The following MYT1L variants were observed in gnomAD, a reference collection of about 807,000 sequenced individuals.
The protein encoded by MYT1L is myelin transcription factor 1-like protein.
A neutral mutation model predicts 126.7 loss-of-function variants in MYT1L; 12 were observed. The observed-to-expected ratio is 0.09, with a 90% CI of 0.06 to 0.15. The LOEUF (loss-of-function observed/expected upper bound fraction) is 0.15. MYT1L is among the 10% of genes least tolerant of loss of function. The pLI is 1.00. For synonymous variants in MYT1L, 541 were observed against 604.2 expected (o/e 0.90, Z 1.53); for missense variants, 979 against 1,585.2 (o/e 0.62, Z 6.49).
At chr2:2,178,988 A>G (rs1173543939) in intron 2 of MYT1L, among the ~76,000 whole-genome samples, 1 of 152,202 alleles carries the variant, frequency 6.6e-6, no homozygotes, top group Non-Finnish European at 1.5e-5. Flanking sequence ...CATGGGGCTT[A>G]GAAAAAGTGA....
intron 5 of MYT1L, among the ~76,000 whole-genome samples, chr2:1,988,983 T>C (rs1055956442): frequency 6.6e-6 from 1 of 152,126 alleles, no homozygotes; most frequent in African/African-American, 2.4e-5. Flanking sequence ...TAAGATGAAG[T>C]CCTCTGGGTA....
chr2:2,044,192 AATAG>A (rs1366441420), intron 4 of MYT1L, among the ~76,000 whole-genome samples: 3 of 152,306 alleles, frequency 2.0e-5, no homozygotes, highest in East Asian at 3.9e-4. Context: ...GCCATACACA[AATAG>A]ATATATACAA....
rs928105111 is a variant in MYT1L, at chr2:1,801,155, T to G, written c.3276+541A>C. 1 of 152,914 alleles carries G rather than the reference T, an allele frequency of 6.5e-6. No homozygotes were observed. Among genetic ancestry groups the G allele is most frequent in the African/African-American group, 2.4e-5 (1 of 41,448 alleles). 9.5% of individuals were successfully genotyped at this position (152,914 alleles called of 1,614,324 possible). On this transcript the variant is annotated intron_variant, in intron 23 of 24. Transcript: ENST00000647738. This position sits in a 1 kb window ranked among gnomAD's most constrained non-coding sequence, Gnocchi z 4.2. The stretch of plus-strand genomic sequence containing the variant: ...GATGAGGCTGAGGACGTTTACCCTG[T>G]GGGCTGCTTGTGGGCATGGAGGGGG...
intron 1 of MYT1L, among the ~76,000 whole-genome samples, chr2:2,289,576 C>T (rs1468447170): frequency 1.3e-5 from 2 of 152,300 alleles, no homozygotes; most frequent in Non-Finnish European, 2.9e-5. Context: ...GCTGTGTTCA[C>T]TTGAACAGTC....
Position 1,859,886 on chromosome 2 carries a change from T to A in MYT1L, c.2712-8183A>T, listed in dbSNP as rs926370608. On this transcript the variant is annotated intron_variant, in intron 18 of 24. Transcript: ENST00000647738. ...CTGGGAAAGGGGACCCGGGCCGCGC[T>A]GGTGACAGGTCTGTCTCCACTCCTG... Among the ~76,000 whole-genome samples the A allele has an allele frequency of 2.6e-5, 4 of 152,240 alleles. No homozygotes were observed. In the East Asian group the frequency reaches 7.7e-4, roughly 29 times the overall value.
rs142805686 is a variant in MYT1L at position 2,022,772 on chromosome 2, T to C, written c.-157-25425A>G. The stretch of plus-strand genomic sequence containing the variant: ...TCAGTTCTTTGTCCGTATTTATCTT[T>C]CCAAAAACAATGATTCAACAGCCTG... On this transcript the variant is annotated intron_variant, in intron 4 of 24. Transcript: ENST00000647738. Among the ~76,000 whole-genome samples, 381 of 152,206 alleles carry C rather than the reference T, an allele frequency of 2.5e-3. 4 individuals carry two copies. The highest frequency in any genetic ancestry group is 8.8e-3 in the African/African-American group (367 of 41,518).
intron 9 of MYT1L, among the ~76,000 whole-genome samples, chr2:1,935,770 A>T (rs1343865135): frequency 6.6e-6 from 1 of 152,248 alleles, no homozygotes; most frequent in African/African-American, 2.4e-5. Flanking sequence ...ACCTAAATTC[A>T]CAAGGCATAG....
intron 4 of MYT1L, among the ~76,000 whole-genome samples, chr2:2,040,343 C>T (rs372160541): frequency 6.6e-6 from 1 of 152,142 alleles, no homozygotes; most frequent in African/African-American, 2.4e-5. Context: ...GTTTCCTTGG[C>T]TACAGGATGG....
chr2:2,066,372 A>G (rs2071273378), intron 3 of MYT1L, among the ~76,000 whole-genome samples: 1 of 152,190 alleles, frequency 6.6e-6, no homozygotes, highest in African/African-American at 2.4e-5. Context: ...AGTCTTCAGG[A>G]ACACAGACCC....
At chr2:1,824,676 A>C (rs909278786) in intron 21 of MYT1L, 5 of 152,232 alleles carry the variant, frequency 3.3e-5, no homozygotes, top group African/African-American at 9.7e-5. Context: ...CGAGTTGTCG[A>C]GAGGAGAGAG....
chr2:1,959,214 C>T lies in MYT1L; in HGVS notation c.153-15880G>A, dbSNP rs534232526. 5.3e-5 allele frequency among the ~76,000 whole-genome samples: 8 copies of T among 152,314 alleles called. No individual in the cohort carries two copies. In the South Asian group the frequency reaches 1.2e-3, roughly 24 times the overall value. On this transcript the variant is annotated intron_variant, in intron 8 of 24. Coordinates refer to ENST00000647738, the MANE Select transcript of MYT1L (RefSeq NM_001303052.2). ...AAGGTGGAGAGTTTGAGAAGCCATG[C>T]GGATCTGCTCTTTCCAGATCATGCT...
At chr2:2,159,269 C>T (rs1279401138) in intron 3 of MYT1L, among the ~76,000 whole-genome samples, 8 of 152,158 alleles carry the variant, frequency 5.3e-5, no homozygotes, top group Non-Finnish European at 1.0e-4. Flanking sequence ...ATGGGAATCG[C>T]TAACTTGGAA....
chr2:2,021,169 T>C (rs1574578672), intron 4 of MYT1L, among the ~76,000 whole-genome samples: 1 of 152,278 alleles, frequency 6.6e-6, no homozygotes, highest in East Asian at 1.9e-4. Flanking sequence ...GGGTTCCTAC[T>C]GCCTGAGAAA....
At chr2:2,029,083 C>G (rs1205671943) in intron 4 of MYT1L, among the ~76,000 whole-genome samples, 1 of 152,148 alleles carries the variant, frequency 6.6e-6, no homozygotes, top group African/African-American at 2.4e-5. Flanking sequence ...AGTTTAGCAT[C>G]TTGGTATTAA....
intron 4 of MYT1L, among the ~76,000 whole-genome samples, chr2:2,037,507 G>C (rs867153623): frequency 6.6e-6 from 1 of 150,622 alleles, no homozygotes; most frequent in East Asian, 2.0e-4. Flanking sequence ...TGTAATCCCA[G>C]CACCTTGGGA....
chr2:2,082,587 C>T (rs1275160938), intron 3 of MYT1L, among the ~76,000 whole-genome samples: 1 of 152,110 alleles, frequency 6.6e-6, no homozygotes, highest in Non-Finnish European at 1.5e-5. Context: ...ATAATAGAAT[C>T]ATCATGTGAG....
intron 5 of MYT1L, among the ~76,000 whole-genome samples, chr2:1,989,643 C>T (rs1228793061): frequency 3.3e-5 from 5 of 152,198 alleles, no homozygotes; most frequent in East Asian, 1.9e-4. Flanking sequence ...TAAAGGGAAA[C>T]GTTTCCTACC....
At chr2:1,843,412 G>A (rs1299195781) in intron 19 of MYT1L, among the ~76,000 whole-genome samples, 3 of 152,104 alleles carry the variant, frequency 2.0e-5, no homozygotes, top group Non-Finnish European at 2.9e-5. Context: ...ATCCTACCCA[G>A]GGAGAGTTAC....
chr2:1,944,826 A>G (rs988751169), intron 8 of MYT1L, among the ~76,000 whole-genome samples: 3 of 152,216 alleles, frequency 2.0e-5, no homozygotes, highest in African/African-American at 7.2e-5. Flanking sequence ...TAGACACTCA[A>G]TAGGCATTTG....
Sources: allele counts gnomAD v4.1 joint callset (sites outside exome capture counted in the v4.1 genomes callset), GRCh38; gene constraint gnomAD v4.1.1; non-coding constraint Gnocchi (gnomAD v3.1); transcripts MANE v1.5; gene names NCBI Gene and HGNC (gene_info 2026-07-23, HGNC 2026-07-21).